AHCYL2: variants seen among roughly 807,000 people sequenced by gnomAD.
The protein encoded by AHCYL2 is S-adenosylhomocysteine hydrolase-like protein 2.
A neutral mutation model predicts 81.4 loss-of-function variants in AHCYL2; 28 were observed. The ratio of observed to expected loss-of-function variants is 0.34; its 90% CI spans 0.25 to 0.47. The LOEUF is 0.47. Among genes scored for constraint, AHCYL2 ranks in the 20% least tolerant of loss-of-function variants. AHCYL2 has a pLI of 1.00. For missense variants in AHCYL2, 551 were observed against 785.1 expected, an observed-to-expected ratio of 0.70 and a Z score of 3.56; for synonymous variants, 272 against 290.2, an observed-to-expected ratio of 0.94 and a Z score of 0.64.
At chr7:129,272,754 A>T (rs1796063587) in intron 1 of AHCYL2, among the ~76,000 whole-genome samples, 1 of 152,188 alleles carries the variant, frequency 6.6e-6, no homozygotes, top group Non-Finnish European at 1.5e-5. Flanking sequence ...TCTAAGTATG[A>T]TAAGGTACAA....
intron 1 of AHCYL2, among the ~76,000 whole-genome samples, chr7:129,372,817 C>A (rs991500320): frequency 2.0e-4 from 31 of 151,284 alleles, no homozygotes; most frequent in African/African-American, 7.5e-4. Context: ...CACCATCCCC[C>A]CAAAAAAAAG....
rs140208338 is a variant in AHCYL2, at chr7:129,425,086, C to T, written c.1653C>T (p.Tyr551=). The change falls in exon 15 of 17, where the codon TAC becomes TAT. Residue 551 remains tyrosine, a synonymous_variant. Transcript: ENST00000325006. ...TTQALALIEL[Y]NAPEGRYKQD... is the part of the protein sequence containing the mutation. ...AGGCTCTTGCCTTGATAGAGCTTTACAATGCTCCTGAGGGTCGCTATAAGC... is the reference window on the plus strand; with the variant it reads ...AGGCTCTTGCCTTGATAGAGCTTTATAATGCTCCTGAGGGTCGCTATAAGC... The T allele has an allele frequency of 1.2e-4, 193 of 1,613,646 alleles. No homozygotes were observed. In the African/African-American group the frequency reaches 1.5e-3, roughly 13 times the overall value.
At chr7:129,252,248 A>G (rs540720965) in intron 1 of AHCYL2, among the ~76,000 whole-genome samples, 2 of 152,310 alleles carry the variant, frequency 1.3e-5, no homozygotes, top group South Asian at 4.1e-4. Context: ...GTCAGATGGC[A>G]CTGATAATTA....
At chr7:129,347,773 T>C (rs769482625) in intron 1 of AHCYL2, among the ~76,000 whole-genome samples, 8 of 152,174 alleles carry the variant, frequency 5.3e-5, no homozygotes, top group Non-Finnish European at 1.0e-4. Context: ...AGGGAAAACA[T>C]GCAACCCCCA....
chr7:129,251,195 C>A (rs1795236393), intron 1 of AHCYL2, among the ~76,000 whole-genome samples: 1 of 152,124 alleles, frequency 6.6e-6, no homozygotes, highest in South Asian at 2.1e-4. Context: ...GGTTTATATA[C>A]CTTGATTGGT....
At chr7:129,313,864 A>G (rs1411967982) in intron 1 of AHCYL2, among the ~76,000 whole-genome samples, 1 of 152,226 alleles carries the variant, frequency 6.6e-6, no homozygotes, top group African/African-American at 2.4e-5. Flanking sequence ...TCTTTTTACT[A>G]TTATGTGAAA....
At chr7:129,227,675 A>T (rs1413535710) in intron 1 of AHCYL2, among the ~76,000 whole-genome samples, 1 of 151,320 alleles carries the variant, frequency 6.6e-6, no homozygotes. Context: ...TGTTTTTCTT[A>T]ATTCTAGATG....
At chr7:129,329,862 G>A (rs918372331) in intron 1 of AHCYL2, among the ~76,000 whole-genome samples, 5 of 152,210 alleles carry the variant, frequency 3.3e-5, no homozygotes, top group Non-Finnish European at 7.3e-5. Context: ...ATAAATTGGA[G>A]AAGGGGCAAA....
intron 1 of AHCYL2, among the ~76,000 whole-genome samples, chr7:129,243,802 C>T (rs1379823919): frequency 6.6e-6 from 1 of 151,840 alleles, no homozygotes; most frequent in East Asian, 1.9e-4. Context: ...GCATGGTCAG[C>T]CAGGATGGTC....
At chr7:129,355,362 T>TTA (rs562906077) in intron 1 of AHCYL2, among the ~76,000 whole-genome samples, 64 of 152,226 alleles carry the variant, frequency 4.2e-4, no homozygotes, top group African/African-American at 1.5e-3. Flanking sequence ...CAGACATGAG[T>TTA]TATAGTGCTG....
chr7:129,331,415 A>C (rs1798416609), intron 1 of AHCYL2, among the ~76,000 whole-genome samples: 1 of 152,236 alleles, frequency 6.6e-6, no homozygotes, highest in Non-Finnish European at 1.5e-5. Context: ...ATCTGACAAT[A>C]AAGGATTTTA....
chr7:129,356,929 A>C (rs1793753374), intron 1 of AHCYL2, among the ~76,000 whole-genome samples: 1 of 152,256 alleles, frequency 6.6e-6, no homozygotes, highest in South Asian at 2.1e-4. Context: ...CCTTAAAATA[A>C]GGAATTGAAT....
At chr7:129,297,652 A>T (rs553270330) in intron 1 of AHCYL2, among the ~76,000 whole-genome samples, 20 of 152,336 alleles carry the variant, frequency 1.3e-4, no homozygotes, top group African/African-American at 3.4e-4. Flanking sequence ...TAAAATGAGA[A>T]AAATTTTTGA....
In AHCYL2 at chr7:129,385,259, A is replaced by G. The variant is rs2150897267; in HGVS notation, c.476-3797A>G. Among the ~76,000 whole-genome samples, 3 of 152,358 alleles carry G rather than the reference A, an allele frequency of 2.0e-5. No individual in the cohort carries two copies. The Middle Eastern group carries it at 0.01, about 518-fold the overall frequency. On this transcript the variant is annotated intron_variant, in intron 2 of 16. Coordinates refer to ENST00000325006, the MANE Select transcript of AHCYL2 (RefSeq NM_015328.4). ...GTGTTACTCATCAGTGAAGTCTGCT[A>G]TAACCCGACACACAGGTCCCTACTG...
At chr7:129,365,767 ATTGT>A (rs1794092328) in intron 1 of AHCYL2, among the ~76,000 whole-genome samples, 1 of 151,556 alleles carries the variant, frequency 6.6e-6, no homozygotes, top group Admixed American at 6.6e-5. Flanking sequence ...TATCCAAGTG[ATTGT>A]TCTGGGGACT....
Position 129,429,889 on chromosome 7 carries a change from CT to C in AHCYL2, c.*2847del, listed in dbSNP as rs1797511874. The stretch of plus-strand genomic sequence containing the variant: ...GCTCCTGTGGTTTTCTCAAAATTAA[CT>C]TTGCCGTGGTTTTTAAAAAGGAATC... On this transcript the variant is annotated 3_prime_UTR_variant, in exon 17 of 17. Transcript: ENST00000325006. The C allele has an allele frequency of 6.6e-6, 1 of 152,650 alleles. No individual in the cohort carries two copies. Among genetic ancestry groups the C allele is most frequent in the Admixed American group, 6.5e-5 (1 of 15,294 alleles). The allele number at this position is 152,650 out of a possible 1,614,324, so 9.5% of individuals were successfully genotyped here. A position where few individuals can be genotyped will look rare whatever the true frequency, so the allele number is the denominator to read the frequency against.
intron 1 of AHCYL2, among the ~76,000 whole-genome samples, chr7:129,329,143 C>A (rs1036745948): frequency 2.6e-5 from 4 of 152,100 alleles, no homozygotes; most frequent in Non-Finnish European, 4.4e-5. Context: ...TGAGAGAATA[C>A]CTTGCAGGAT....
chr7:129,270,298 GA>G (rs1795964431), intron 1 of AHCYL2, among the ~76,000 whole-genome samples: 1 of 152,172 alleles, frequency 6.6e-6, no homozygotes, highest in African/African-American at 2.4e-5. Flanking sequence ...CCAGAGTACA[GA>G]GATACTCAGT....
intron 1 of AHCYL2, among the ~76,000 whole-genome samples, chr7:129,329,507 G>C (rs1031640355): frequency 6.6e-6 from 1 of 152,196 alleles, no homozygotes; most frequent in Non-Finnish European, 1.5e-5. Context: ...TCTGTAGATT[G>C]ATTTCTTAGA....
Sources: gnomAD v4.1 joint callset for allele counts (sites outside exome capture counted in the v4.1 genomes callset) on GRCh38, gnomAD v4.1.1 for gene constraint, MANE v1.5 for transcripts, NCBI Gene and HGNC (gene_info 2026-07-23, HGNC 2026-07-21) for gene names.